Variants in ZNF282 observed in about 807,000 individuals in gnomAD.
ZNF282 encodes the protein HTLV-I U5 repressive element-binding protein 1.
ZNF282 carries 30 observed loss-of-function variants against 61.9 expected under a neutral mutation model. The observed-to-expected ratio is 0.48, with a 90% CI of 0.36 to 0.66. The LOEUF (loss-of-function observed/expected upper bound fraction) is 0.66, where lower values mean the gene tolerates loss of function less well. ZNF282 is among the 30% of genes least tolerant of loss of function. The pLI is 0.00. For missense variants in ZNF282, 788 were observed against 941.4 expected (o/e 0.84, Z 2.13); for synonymous variants, 396 against 405.0 (o/e 0.98, Z 0.27).
chr7:149,214,437 C>T (rs1384697104), intron 7 of ZNF282, among the ~76,000 whole-genome samples: 1 of 152,054 alleles, frequency 6.6e-6, no homozygotes, highest in Admixed American at 6.6e-5. Context: ...CACAATTTAA[C>T]CCTTTATGGC....
At position 149,207,332 on chromosome 7, in the gene ZNF282, CCCT is replaced by C. The variant is rs1563176967; in HGVS notation, c.713-11_713-9del. 13 of 1,584,376 alleles carry C rather than the reference CCCT, an allele frequency of 8.2e-6. No individual in the cohort carries two copies. Among genetic ancestry groups the C allele is most frequent in the Non-Finnish European group, 1.1e-5 (13 of 1,163,122 alleles). ...GGTCAACTTCACTCAGCCTTTCCCTCCCTCCTCCTCACTTCCAGACGCGGAGGG... is the reference window on the plus strand; with the variant it reads ...GGTCAACTTCACTCAGCCTTTCCCTCCCTCCTCACTTCCAGACGCGGAGGG... On this transcript the variant is annotated splice_polypyrimidine_tract_variant and intron_variant, in intron 3 of 7. Coordinates refer to ENST00000610704, the MANE Select transcript of ZNF282 (RefSeq NM_003575.4).
chr7:149,198,875 G>T lies in ZNF282; in HGVS notation c.585+123G>T. 1 of 1,352,512 alleles carries T rather than the reference G, an allele frequency of 7.4e-7. No homozygotes were observed. The allele number at this position is 1,352,512 out of a possible 1,614,324, so 83.8% of individuals were successfully genotyped here. On this transcript the variant is annotated intron_variant, in intron 2 of 7. Transcript: ENST00000610704. The surrounding 1 kb of genome is among the most constrained non-coding windows in gnomAD (Gnocchi z 4.3). ...TGGCTCCCCGTTATCCAATTTCAGT[G>T]TCTTCTTAAAGCCTGTCTCCACTGA...
chr7:149,206,892 G>A (rs12537763), intron 3 of ZNF282, 70 bp downstream of exon 3: 986,356 of 1,589,516 alleles, frequency 0.62, 317,176 homozygotes, highest in East Asian at 0.93. Context: ...ATTTGTCCAC[G>A]TTAGCACCGC....
chr7:149,205,402 C>T (rs552153261), intron 2 of ZNF282, among the ~76,000 whole-genome samples: 2 of 152,156 alleles, frequency 1.3e-5, no homozygotes, highest in African/African-American at 4.8e-5. Flanking sequence ...CGCGTCACTG[C>T]ACTCCAGTCT....
At chr7:149,208,156 T>C (rs1459276460) in intron 4 of ZNF282, among the ~76,000 whole-genome samples, 2 of 152,194 alleles carry the variant, frequency 1.3e-5, no homozygotes, top group Non-Finnish European at 2.9e-5. Flanking sequence ...GGAGGAACTT[T>C]TGCCTGTCTG....
intron 7 of ZNF282, among the ~76,000 whole-genome samples, chr7:149,215,423 G>A (rs1796148030): frequency 6.6e-6 from 1 of 152,006 alleles, no homozygotes; most frequent in Non-Finnish European, 1.5e-5. Context: ...GGCTGGTCTC[G>A]AACTCCTGAC....
intron 2 of ZNF282, among the ~76,000 whole-genome samples, chr7:149,206,200 G>A (rs1293497328): frequency 6.6e-6 from 1 of 152,198 alleles, no homozygotes; most frequent in Admixed American, 6.5e-5. Flanking sequence ...ATCAAGATAG[G>A]GTAGTGAACG....
In ZNF282 at chr7:149,198,479, C is replaced by T. The variant is rs377732853; in HGVS notation, c.312C>T (p.Ala104=). The T allele has an allele frequency of 1.2e-6, 2 of 1,614,210 alleles. No individual in the cohort carries two copies. The highest frequency in any genetic ancestry group is 2.7e-5 in the African/African-American group (2 of 75,052). Reference sequence around the variant, plus strand: ...TCTCACTCTGGACTGTGGTGGCTGCCATTCAGGCTGTGGAGAGGAAGGTGG... The same window carrying T: ...TCTCACTCTGGACTGTGGTGGCTGCTATTCAGGCTGTGGAGAGGAAGGTGG... ...AEISLWTVVA[A]IQAVERKVDA... The change falls in exon 2 of 8, where the codon GCC becomes GCT. Residue 104 remains alanine, a synonymous_variant. Coordinates refer to ENST00000610704, the MANE Select transcript of ZNF282 (RefSeq NM_003575.4). The surrounding 1 kb of genome is among the most constrained non-coding windows in gnomAD (Gnocchi z 4.3).
intron 5 of ZNF282, among the ~76,000 whole-genome samples, chr7:149,211,722 A>G (rs941819050): frequency 6.6e-6 from 1 of 152,104 alleles, no homozygotes; most frequent in African/African-American, 2.4e-5. Context: ...TCACACCCAT[A>G]GGTAAGTGCT....
At chr7:149,206,422 C>T (rs538807028) in intron 2 of ZNF282, among the ~76,000 whole-genome samples, 1 of 152,278 alleles carries the variant, frequency 6.6e-6, no homozygotes, top group East Asian at 1.9e-4. Context: ...TACTCTTTAC[C>T]CTCAGGTATC....
rs1796316551 is a variant in ZNF282 at position 149,224,137 on chromosome 7, C to T, written c.1506C>T (p.Gly502=). 6 of 1,482,920 alleles carry T rather than the reference C, an allele frequency of 4.0e-6. No homozygotes were observed. Among genetic ancestry groups the T allele is most frequent in the Non-Finnish European group, 5.4e-6 (6 of 1,121,174 alleles). The allele number at this position is 1,482,920 out of a possible 1,614,324, so 91.9% of individuals were successfully genotyped here. Residue 502 remains glycine (G), a synonymous_variant, in exon 8 of 8, where the codon GGC becomes GGT. Coordinates refer to ENST00000610704, the MANE Select transcript of ZNF282 (RefSeq NM_003575.4). ...GCGGCTGTGGCAGCTGCTGCCCTGG[C>T]GGGCTGCGGCGGAGCCTCCTCCTGC... ...AGGGCGSCCP[G]GLRRSLLLHG...
intron 7 of ZNF282, among the ~76,000 whole-genome samples, chr7:149,217,375 A>G (rs565678234): frequency 4.6e-5 from 7 of 152,234 alleles, no homozygotes; most frequent in African/African-American, 1.7e-4. Flanking sequence ...CGTCTCTACT[A>G]AAAATACAAA....
chr7:149,203,782 T>A (rs532595431), intron 2 of ZNF282, among the ~76,000 whole-genome samples: 1 of 152,324 alleles, frequency 6.6e-6, no homozygotes, highest in East Asian at 1.9e-4. Flanking sequence ...TTTCTCTGAG[T>A]TTCAGGGTTA....
chr7:149,219,645 G>A (rs1286311695), intron 7 of ZNF282, among the ~76,000 whole-genome samples: 2 of 152,114 alleles, frequency 1.3e-5, no homozygotes, highest in East Asian at 1.9e-4. Flanking sequence ...TCGGGAGTTC[G>A]AGACCAGCCT....
intron 7 of ZNF282, among the ~76,000 whole-genome samples, chr7:149,215,195 ATTTTTTT>A (rs36096302): frequency 9.3e-4 from 84 of 90,694 alleles, no homozygotes; most frequent in African/African-American, 3.2e-3. Flanking sequence ...ATTTCCTGAC[ATTTTTTT>A]TTTTTTTTTT....
At chr7:149,208,148 A>T (rs930804724) in intron 4 of ZNF282, among the ~76,000 whole-genome samples, 1 of 152,084 alleles carries the variant, frequency 6.6e-6, no homozygotes, top group Non-Finnish European at 1.5e-5. Context: ...ACCTCATTGG[A>T]GGAACTTTTG....
chr7:149,207,120 TAAGCC>T (rs1359682007), intron 3 of ZNF282, among the ~76,000 whole-genome samples: 1 of 152,158 alleles, frequency 6.6e-6, no homozygotes, highest in Non-Finnish European at 1.5e-5. Context: ...CAGCCCGCGG[TAAGCC>T]ATAGCTGGTC....
In ZNF282 at chr7:149,195,622, G is replaced by A; in HGVS notation, c.33G>A (p.Gln11=). The change falls in exon 1 of 8, where the codon CAG becomes CAA. Residue 11 remains glutamine (Q), a synonymous_variant. Coordinates refer to ENST00000610704, the MANE Select transcript of ZNF282 (RefSeq NM_003575.4). MQFVSTRPQP[Q]QLGIQGLGLD... ...TTGTGTCAACACGGCCGCAGCCTCAGCAGCTGGGCATCCAGGGCCTGGGGC... is the reference window on the plus strand; with the variant it reads ...TTGTGTCAACACGGCCGCAGCCTCAACAGCTGGGCATCCAGGGCCTGGGGC... 6.2e-7 allele frequency: 1 copy of A among 1,611,116 alleles called. No homozygotes were observed. The highest frequency in any genetic ancestry group is 1.1e-5 in the South Asian group (1 of 90,746).
rs1299669189 is a variant in ZNF282, at chr7:149,198,132, C to T, written c.166-201C>T. On this transcript the variant is annotated intron_variant, in intron 1 of 7. Transcript: ENST00000610704. The surrounding 1 kb of genome is among the most constrained non-coding windows in gnomAD (Gnocchi z 4.3). ...CAGTGACCAGCCTGACTCACCTAGG[C>T]AGGAGATGGGAGAGTGTTGAGTTGG... Among the ~76,000 whole-genome samples, 3 of 152,006 alleles carry T rather than the reference C, an allele frequency of 2.0e-5. No individual in the cohort carries two copies. The highest frequency in any genetic ancestry group is 4.4e-5 in the Non-Finnish European group (3 of 68,008).
Sources: allele counts gnomAD v4.1 joint callset (sites outside exome capture counted in the v4.1 genomes callset), GRCh38; gene constraint gnomAD v4.1.1; non-coding constraint Gnocchi (gnomAD v3.1); transcripts MANE v1.5; gene names NCBI Gene and HGNC (gene_info 2026-07-23, HGNC 2026-07-21).